The following OTULINL variants were observed in gnomAD, a reference collection of about 807,000 sequenced individuals.
The protein encoded by OTULINL is OTU deubiquitinase with linear linkage specificity like.
A neutral mutation model predicts 43.9 loss-of-function variants in OTULINL; 42 were observed. That is an observed-to-expected ratio of 0.96 (90% CI 0.75 to 1.24). OTULINL has a LOEUF of 1.24. Among genes scored for constraint, OTULINL ranks in the 50% most tolerant of loss-of-function variants. OTULINL has a pLI of 0.00. For synonymous variants in OTULINL, 172 were observed against 153.6 expected, an observed-to-expected ratio of 1.12 and a Z score of -0.88; for missense variants, 411 against 426.4, an observed-to-expected ratio of 0.96 and a Z score of 0.32.
rs996320968 is a variant in OTULINL, at chr5:14,610,283, A to G, written c.1040A>G (p.Asn347Ser). The G allele has an allele frequency of 1.2e-5, 19 of 1,611,200 alleles. No individual in the cohort carries two copies. The highest frequency in any genetic ancestry group is 1.4e-5 in the Non-Finnish European group (17 of 1,178,552). ...DWPEISLLTE[N>S]DRHYHIPVF is the part of the protein sequence containing the mutation. ...CCGGAGATCTCCCTGCTGACCGAGA[A>G]CGACCGCCACTACCACATTCCAGTC... The change falls in exon 8 of 8, where the codon AAC (asparagine) becomes AGC (serine). Residue 347 changes from asparagine (N) to serine (S), a missense_variant. By Grantham distance (46) the Asn-to-Ser change is conservative. Coordinates refer to ENST00000274217, the MANE Select transcript of OTULINL (RefSeq NM_019018.3).
Position 14,610,358 on chromosome 5 carries a change from C to A in OTULINL, c.*44C>A. The A allele has an allele frequency of 6.3e-7, 1 of 1,587,100 alleles. No individual in the cohort carries two copies. Among genetic ancestry groups the A allele is most frequent in the South Asian group, 1.1e-5 (1 of 90,082 alleles). On this transcript the variant is annotated 3_prime_UTR_variant, in exon 8 of 8. Transcript: ENST00000274217. ...AGCAGTGCTCACCAGTGACGGTGGTCACAGTTGCAATAAAGTCTCTCTCTG... is the reference window on the plus strand; with the variant it reads ...AGCAGTGCTCACCAGTGACGGTGGTAACAGTTGCAATAAAGTCTCTCTCTG...
At chr5:14,582,506 C>T (rs1759025818) in intron 1 of OTULINL, among the ~76,000 whole-genome samples, 1 of 151,890 alleles carries the variant, frequency 6.6e-6, no homozygotes, top group African/African-American at 2.4e-5. Context: ...AAAAATTCAC[C>T]CAGACGGGGC....
At chr5:14,584,835 G>T (rs1759077460) in intron 1 of OTULINL, among the ~76,000 whole-genome samples, 1 of 152,200 alleles carries the variant, frequency 6.6e-6, no homozygotes, top group Non-Finnish European at 1.5e-5. Flanking sequence ...AGGCACAACT[G>T]TATGTATGAA....
chr5:14,588,522 T>C (rs922503675), intron 1 of OTULINL, among the ~76,000 whole-genome samples: 2 of 152,188 alleles, frequency 1.3e-5, no homozygotes, highest in Non-Finnish European at 2.9e-5. Context: ...GACATACATA[T>C]TAAAAGTCAG....
chr5:14,601,552 G>A lies in OTULINL; in HGVS notation c.348+110G>A, dbSNP rs1046075206. On this transcript the variant is annotated intron_variant, in intron 4 of 7. Coordinates refer to ENST00000274217, the MANE Select transcript of OTULINL (RefSeq NM_019018.3). ...TCCAGATATCCATCAGTACCAAAAT[G>A]TGAGTCAAGTAACAACTGTGGCTCT... 12 of 967,148 alleles carry A rather than the reference G, an allele frequency of 1.2e-5. No homozygotes were observed. The Admixed American group carries it at 2.6e-4, about 21-fold the overall frequency. 59.9% of individuals were successfully genotyped at this position (967,148 alleles called of 1,614,324 possible). A position where few individuals can be genotyped will look rare whatever the true frequency, so the allele number is the denominator to read the frequency against.
At chr5:14,596,234 C>T (rs1297806609) in intron 1 of OTULINL, among the ~76,000 whole-genome samples, 5 of 152,052 alleles carry the variant, frequency 3.3e-5, no homozygotes, top group Non-Finnish European at 7.4e-5. Flanking sequence ...GGAGGTGAAA[C>T]CTTTTCTCCC....
At chr5:14,596,698 A>G (rs1332608090) in intron 1 of OTULINL, among the ~76,000 whole-genome samples, 2 of 152,164 alleles carry the variant, frequency 1.3e-5, no homozygotes, top group African/African-American at 2.4e-5. Flanking sequence ...TGTTGTTATA[A>G]CAGAATACCA....
At chr5:14,592,434 TC>T in intron 1 of OTULINL, among the ~76,000 whole-genome samples, 1 of 152,302 alleles carries the variant, frequency 6.6e-6, no homozygotes, top group African/African-American at 2.4e-5. Context: ...ACCTGGGTGT[TC>T]AAGTTCAGAC....
chr5:14,610,077 A>C, intron 7 of OTULINL, 64 bp from the exon 8 acceptor site: 1 of 1,432,294 alleles, frequency 7.0e-7, no homozygotes, highest in East Asian at 2.3e-5. Context: ...ACTTCCCCCC[A>C]CCGTGGCGGG....
Position 14,615,323 on chromosome 5 carries a change from A to G in OTULINL, c.*5009A>G, listed in dbSNP as rs1392538185. On this transcript the variant is annotated 3_prime_UTR_variant, in exon 8 of 8. Coordinates refer to ENST00000274217, the MANE Select transcript of OTULINL (RefSeq NM_019018.3). ...ACAACTTGGGAACTGCTTCAAGTCC[A>G]TGCCAGGTCATGGCTTCGTCCGCCT... Among the ~76,000 whole-genome samples, 1 of 152,218 alleles carries G rather than the reference A, an allele frequency of 6.6e-6. No individual in the cohort carries two copies. Among genetic ancestry groups the G allele is most frequent in the Non-Finnish European group, 1.5e-5 (1 of 68,044 alleles).
At position 14,602,160 on chromosome 5, in the gene OTULINL, ACTTTCT is replaced by A. The variant is rs748929570; in HGVS notation, c.349-18_349-13del. ...TCTTGTCCAGTGGAATTAATAAACA[ACTTTCT>A]CTTTTTATTTTATTAGGCTTATGAG... On this transcript the variant is annotated splice_polypyrimidine_tract_variant and intron_variant, in intron 4 of 7. Coordinates refer to ENST00000274217, the MANE Select transcript of OTULINL (RefSeq NM_019018.3). 1.9e-6 allele frequency: 3 copies of A among 1,539,132 alleles called. No individual in the cohort carries two copies. The highest frequency in any genetic ancestry group is 2.3e-5 in the East Asian group (1 of 42,810).
At chr5:14,597,517 A>C (rs1205268284) in intron 1 of OTULINL, among the ~76,000 whole-genome samples, 4 of 152,220 alleles carry the variant, frequency 2.6e-5, no homozygotes, top group African/African-American at 9.7e-5. Flanking sequence ...TAAATGAATT[A>C]ATTCCTGTAG....
chr5:14,589,952 A>T (rs553724176), intron 1 of OTULINL, among the ~76,000 whole-genome samples: 93 of 151,836 alleles, frequency 6.1e-4, no homozygotes, highest in Middle Eastern at 3.4e-3. Flanking sequence ...AAAAAAAAAA[A>T]TTTTTTTTCA....
Position 14,601,210 on chromosome 5 carries a change from C to T in OTULINL, c.225-3C>T, listed in dbSNP as rs1014570466. 6.2e-7 allele frequency: 1 copy of T among 1,611,774 alleles called. No homozygotes were observed. The highest frequency in any genetic ancestry group is 8.5e-7 in the Non-Finnish European group (1 of 1,179,190). On this transcript the variant is annotated splice_polypyrimidine_tract_variant and splice_region_variant and intron_variant, in intron 2 of 7. Coordinates refer to ENST00000274217, the MANE Select transcript of OTULINL (RefSeq NM_019018.3). ...GATATTATTGTTCCCTTTTATCTTT[C>T]AGGTGGATTGGATATCTGCAGAGAA...
At chr5:14,601,840 C>G (rs1759394095) in intron 4 of OTULINL, among the ~76,000 whole-genome samples, 3 of 152,210 alleles carry the variant, frequency 2.0e-5, no homozygotes, top group South Asian at 4.1e-4. Flanking sequence ...CCCAGCAGTG[C>G]TGCCCAATCT....
chr5:14,602,448 G>A, intron 5 of OTULINL, 116 bp downstream of exon 5: 1 of 973,856 alleles, frequency 1.0e-6, no homozygotes, highest in South Asian at 1.7e-5. Context: ...AGATTTTTTT[G>A]TTTTTTTGAG....
chr5:14,592,579 A>G (rs758251634), intron 1 of OTULINL, among the ~76,000 whole-genome samples: 4 of 152,248 alleles, frequency 2.6e-5, no homozygotes, highest in Non-Finnish European at 5.9e-5. Flanking sequence ...GGAAACAGTC[A>G]TGAATACACT....
At chr5:14,605,566 C>T (rs1759460446) in intron 5 of OTULINL, among the ~76,000 whole-genome samples, 1 of 152,190 alleles carries the variant, frequency 6.6e-6, no homozygotes, top group African/African-American at 2.4e-5. Context: ...TTTCCTATAG[C>T]ATTGTGAGGC....
Position 14,609,012 on chromosome 5 carries a change from G to C in OTULINL, c.892G>C (p.Glu298Gln). The C allele has an allele frequency of 6.2e-7, 1 of 1,605,306 alleles. No homozygotes were observed. The highest frequency in any genetic ancestry group is 8.5e-7 in the Non-Finnish European group (1 of 1,174,100). Residue 298 changes from glutamate (E) to glutamine (Q), a missense_variant, in exon 7 of 8, where the codon GAG becomes CAG. Glu to Gln is a conservative substitution (Grantham distance 29). Coordinates refer to ENST00000274217, the MANE Select transcript of OTULINL (RefSeq NM_019018.3). ...TTCTGTAGGCGACACATGTGGACTA[G>C]AGCAGGTAACCGGGGAGGAAGAACT... ...LNSVGDTCGLEQIDMFILGYS... is the reference protein window; with the variant it reads ...LNSVGDTCGLQQIDMFILGYS...
Sources: gnomAD v4.1 joint callset for allele counts (sites outside exome capture counted in the v4.1 genomes callset) on GRCh38, gnomAD v4.1.1 for gene constraint, MANE v1.5 for transcripts, NCBI Gene and HGNC (gene_info 2026-07-23, HGNC 2026-07-21) for gene names.